The following ARHGAP32 variants were observed in gnomAD, a reference collection of about 807,000 sequenced individuals.
ARHGAP32 encodes rho GTPase-activating protein 32.
ARHGAP32 carries 51 observed loss-of-function variants against 186.5 expected under a neutral mutation model. The ratio of observed to expected loss-of-function variants is 0.27; its 90% CI spans 0.22 to 0.35. The LOEUF (loss-of-function observed/expected upper bound fraction) is 0.35, where lower values mean the gene tolerates loss of function less well. Ranked by LOEUF, ARHGAP32 falls within the 10% of genes least tolerant of loss-of-function variation. The probability of loss-of-function intolerance (pLI) is 1.00; values close to 1 mark genes in which losing one functional copy is unlikely to be tolerated. For synonymous variants in ARHGAP32, 950 were observed against 964.3 expected (o/e 0.99, Z 0.27); for missense variants, 2,186 against 2,623.5 (o/e 0.83, Z 3.64).
rs569549984 is a variant in ARHGAP32, at chr11:129,008,831, A to C, written c.1046-10363T>G. Among the ~76,000 whole-genome samples the C allele has an allele frequency of 5.2e-4, 79 of 152,322 alleles. 1 individual carries two copies. The highest frequency in any genetic ancestry group is 1.7e-3 in the African/African-American group (72 of 41,568). On this transcript the variant is annotated intron_variant, in intron 11 of 22. Transcript: ENST00000682385. ...TTACATGCTCACTTTTCTACTAATG[A>C]GACATTTATAGTATAGTTGGTTAAC...
At chr11:129,053,601 T>C (rs1940139541) in intron 10 of ARHGAP32, among the ~76,000 whole-genome samples, 1 of 152,210 alleles carries the variant, frequency 6.6e-6, no homozygotes, top group Admixed American at 6.5e-5. Context: ...TACAGTGTAA[T>C]GACAAAGGGC....
chr11:129,248,038 C>A (rs1265778191), intron 1 of ARHGAP32, among the ~76,000 whole-genome samples: 1 of 152,058 alleles, frequency 6.6e-6, no homozygotes, highest in Admixed American at 6.5e-5. Flanking sequence ...GAGGGCCGGG[C>A]GTGGTGGCTC....
At chr11:129,019,544 T>C (rs1182058397) in intron 11 of ARHGAP32, among the ~76,000 whole-genome samples, 1 of 152,196 alleles carries the variant, frequency 6.6e-6, no homozygotes, top group Non-Finnish European at 1.5e-5. Context: ...ATAACTTAAA[T>C]GTAATAAGTT....
chr11:129,278,910 G>A (rs1371199958), intron 1 of ARHGAP32, among the ~76,000 whole-genome samples: 3 of 148,984 alleles, frequency 2.0e-5, no homozygotes, highest in African/African-American at 7.3e-5. Context: ...AGGCCGCGGG[G>A]AGCGCGGGGC....
chr11:129,099,383 T>C (rs1257639783), intron 5 of ARHGAP32, among the ~76,000 whole-genome samples: 1 of 152,238 alleles, frequency 6.6e-6, no homozygotes, highest in Non-Finnish European at 1.5e-5. Context: ...AACCAGTTTG[T>C]AGCCTAGAAG....
At chr11:129,062,406 C>T (rs1940538005) in intron 9 of ARHGAP32, 49 bp from the exon 10 acceptor site, 1 of 1,481,590 alleles carries the variant, frequency 6.7e-7, no homozygotes, top group African/African-American at 1.4e-5. Context: ...AAATTTTAAA[C>T]CAATTGTTAT....
chr11:129,003,152 G>T (rs1161854354), intron 11 of ARHGAP32, among the ~76,000 whole-genome samples: 2 of 152,126 alleles, frequency 1.3e-5, no homozygotes, highest in East Asian at 3.9e-4. Flanking sequence ...ATGTTCATAT[G>T]GTATTGTCCT....
At chr11:129,021,644 G>T (rs1938597712) in intron 11 of ARHGAP32, among the ~76,000 whole-genome samples, 1 of 151,986 alleles carries the variant, frequency 6.6e-6, no homozygotes, top group South Asian at 2.1e-4. Context: ...TTCAAATTTA[G>T]ATTATGTTAT....
intron 1 of ARHGAP32, among the ~76,000 whole-genome samples, chr11:129,243,884 C>A (rs954062728): frequency 6.6e-6 from 1 of 152,206 alleles, no homozygotes. Flanking sequence ...CACTGTGACA[C>A]TTTCTTGTGT....
chr11:129,160,286 C>G (rs1370365930), intron 2 of ARHGAP32, among the ~76,000 whole-genome samples: 3 of 152,106 alleles, frequency 2.0e-5, no homozygotes, highest in Non-Finnish European at 4.4e-5. Flanking sequence ...AAAGGGTATT[C>G]AAATAGGAAG....
At chr11:129,267,547 A>C (rs1196898134) in intron 1 of ARHGAP32, among the ~76,000 whole-genome samples, 3 of 152,202 alleles carry the variant, frequency 2.0e-5, no homozygotes, top group African/African-American at 7.2e-5. Context: ...CAAAACAAAA[A>C]AAACAAACTC....
chr11:129,019,868 T>A (rs1375841167), intron 11 of ARHGAP32, among the ~76,000 whole-genome samples: 1 of 152,152 alleles, frequency 6.6e-6, no homozygotes, highest in Non-Finnish European at 1.5e-5. Flanking sequence ...GGCTAAGGTA[T>A]GTGCTAGTGA....
At chr11:129,067,628 C>G (rs1200679483) in intron 6 of ARHGAP32, among the ~76,000 whole-genome samples, 2 of 151,906 alleles carry the variant, frequency 1.3e-5, no homozygotes, top group East Asian at 3.9e-4. Flanking sequence ...GCAACAACAA[C>G]AAGTCCTTCA....
In ARHGAP32 at chr11:128,970,616, C is replaced by T. The variant is rs771599909; in HGVS notation, c.4597G>A (p.Val1533Met). 1.9e-6 allele frequency: 3 copies of T among 1,614,164 alleles called. No individual in the cohort carries two copies. The highest frequency in any genetic ancestry group is 2.5e-6 in the Non-Finnish European group (3 of 1,180,036). The part of the protein sequence containing the change: ...PHHNKLEQHQ[V>M]YGARSEPPAS... ...GGTGGCTCTGACCTGGCACCATACACTTGGTGCTGCTCCAATTTATTGTGA... is the reference window on the plus strand; with the variant it reads ...GGTGGCTCTGACCTGGCACCATACATTTGGTGCTGCTCCAATTTATTGTGA... Residue 1533 changes from valine (V) to methionine (M), a missense_variant, in exon 23 of 23, where the codon GTG (valine) becomes ATG (methionine). Transcript: ENST00000682385. The surrounding 1 kb of genome is among the most constrained non-coding windows in gnomAD (Gnocchi z 5.8).
intron 1 of ARHGAP32, among the ~76,000 whole-genome samples, chr11:129,270,437 G>A (rs868856648): frequency 1.3e-5 from 2 of 151,864 alleles, no homozygotes; most frequent in South Asian, 4.1e-4. Context: ...CTATGATGTG[G>A]ATACATGTCA....
At chr11:129,245,369 T>C (rs1233662001) in intron 1 of ARHGAP32, among the ~76,000 whole-genome samples, 1 of 149,520 alleles carries the variant, frequency 6.7e-6, no homozygotes, top group African/African-American at 2.5e-5. Flanking sequence ...AAACACCGCA[T>C]ATTCTCACTC....
chr11:129,160,201 A>G (rs1317927311), intron 2 of ARHGAP32, among the ~76,000 whole-genome samples: 1 of 152,188 alleles, frequency 6.6e-6, no homozygotes, highest in African/African-American at 2.4e-5. Context: ...CAAGACAAGG[A>G]TGCCCTCTCT....
intron 1 of ARHGAP32, among the ~76,000 whole-genome samples, chr11:129,181,799 A>C (rs1025257684): frequency 2.6e-5 from 4 of 152,130 alleles, no homozygotes; most frequent in Admixed American, 6.6e-5. Context: ...TGAACCATAC[A>C]CAAATCAAAA....
intron 1 of ARHGAP32, among the ~76,000 whole-genome samples, chr11:129,264,062 A>ATTTT (rs1945359832): frequency 6.6e-6 from 1 of 152,214 alleles, no homozygotes; most frequent in East Asian, 1.9e-4. Flanking sequence ...ACCCTTAAAA[A>ATTTT]AGAAGGAAAT....
Sources: allele counts gnomAD v4.1 joint callset (sites outside exome capture counted in the v4.1 genomes callset), GRCh38; gene constraint gnomAD v4.1.1; non-coding constraint Gnocchi (gnomAD v3.1); transcripts MANE v1.5; gene names NCBI Gene and HGNC (gene_info 2026-07-23, HGNC 2026-07-21).